The following RNF213 variants were observed in gnomAD, a reference collection of about 807,000 sequenced individuals.
The protein encoded by RNF213 is ring finger protein 213, also known as E3 ubiquitin-protein ligase RNF213.
RNF213 carries 341 observed loss-of-function variants against 514.4 expected under a neutral mutation model. The observed-to-expected ratio is 0.66, with a 90% CI of 0.61 to 0.73. The LOEUF (loss-of-function observed/expected upper bound fraction) is 0.73, where lower values mean the gene tolerates loss of function less well. Ranked by LOEUF, RNF213 falls within the 30% of genes least tolerant of loss-of-function variation. The pLI, the probability that RNF213 is intolerant of heterozygous loss-of-function variation, is 0.00. For missense variants in RNF213, 5,767 were observed against 6,615.6 expected (o/e 0.87, Z 4.45); for synonymous variants, 2,655 against 2,658.2 (o/e 1.00, Z 0.04).
chr17:80,334,071 G>T (rs1290863469), intron 21 of RNF213, 34 bp from the exon 22 acceptor site: 1 of 1,536,824 alleles, frequency 6.5e-7, no homozygotes, highest in Admixed American at 2.0e-5. Flanking sequence ...TCTGGTTAAT[G>T]AGTTCCAGTC....
At chr17:80,355,924 CCTT>C (rs1456283122) in intron 36 of RNF213, among the ~76,000 whole-genome samples, 1 of 152,080 alleles carries the variant, frequency 6.6e-6, no homozygotes, top group East Asian at 1.9e-4. Context: ...TCGTTTCTCT[CCTT>C]GTCACGCCTT....
In RNF213 at chr17:80,398,026, G is replaced by A. The variant is rs1285636231; in HGVS notation, c.*4528G>A. 2.0e-5 allele frequency: 3 copies of A among 151,086 alleles called. No individual in the cohort carries two copies. The Admixed American group carries it at 2.0e-4, about 10-fold the overall frequency. 9.4% of individuals were successfully genotyped at this position (151,086 alleles called of 1,614,324 possible). A position where few individuals can be genotyped will look rare whatever the true frequency, so the allele number is the denominator to read the frequency against. On this transcript the variant is annotated 3_prime_UTR_variant, in exon 68 of 68. Transcript: ENST00000582970. ...AACACCGGGAAGGAACTGCCACTTG[G>A]AGTCCAGACATCTGAAACTTGGTAA...
In RNF213 at chr17:80,343,242, CGA is replaced by C; in HGVS notation, c.6102_6103del (p.Val2035ProfsTer63). ...GATCGACCCTCAGGTGGATGAGAGC[CGA>C]GTCCTGGGCGCCCTGCTGCCCTTCC... ...RLIDPQVDESRVLGALLPFLD... is the reference protein window; with the variant it reads ...RLIDPQVDESXVLGALLPFLD... On this transcript the variant is annotated frameshift_variant, in exon 27 of 68. Transcript: ENST00000582970. LOFTEE classifies it high-confidence loss of function. This position sits in a 1 kb window ranked among gnomAD's most constrained non-coding sequence, Gnocchi z 4.3. 1 of 1,613,988 alleles carries C rather than the reference CGA, an allele frequency of 6.2e-7. No homozygotes were observed. The highest frequency in any genetic ancestry group is 2.2e-5 in the East Asian group (1 of 44,880).
At chr17:80,384,602 CCTCT>C (rs767292938) in intron 59 of RNF213, among the ~76,000 whole-genome samples, 3 of 152,080 alleles carry the variant, frequency 2.0e-5, no homozygotes, top group Admixed American at 1.3e-4. Context: ...AATACTGTGG[CCTCT>C]CTCTCAGATG....
chr17:80,365,828 G>A (rs1181675215), intron 42 of RNF213, among the ~76,000 whole-genome samples: 1 of 152,188 alleles, frequency 6.6e-6, no homozygotes, highest in East Asian at 1.9e-4. Context: ...TTTCAGCCAG[G>A]TCCAGCGTGG....
intron 11 of RNF213, among the ~76,000 whole-genome samples, chr17:80,304,470 C>T (rs1389243502): frequency 3.3e-5 from 5 of 152,018 alleles, no homozygotes; most frequent in Admixed American, 1.3e-4. Flanking sequence ...GAAACCCCAT[C>T]TCTACTAAAA....
chr17:80,375,705 A>G, intron 50 of RNF213, 55 bp from the exon 51 acceptor site: 1 of 1,283,212 alleles, frequency 7.8e-7, no homozygotes, highest in South Asian at 1.2e-5. Flanking sequence ...TCCATCTCAA[A>G]AAAAAAAGAT....
chr17:80,312,084 C>T (rs879347259), intron 14 of RNF213, among the ~76,000 whole-genome samples: 11 of 151,880 alleles, frequency 7.2e-5, no homozygotes, highest in African/African-American at 2.2e-4. Flanking sequence ...GCCAAGATCG[C>T]GCCACTGTAC....
chr17:80,355,080 A>G (rs994646256), intron 36 of RNF213: 8 of 400,260 alleles, frequency 2.0e-5, no homozygotes, highest in Non-Finnish European at 4.0e-5. Flanking sequence ...TGTATTGAGG[A>G]AGGAGGGGTG....
At position 80,339,203 on chromosome 17, in the gene RNF213, C is replaced by T. The variant is rs950808412; in HGVS notation, c.4836C>T (p.Val1612=). 1 of 1,478,730 alleles carries T rather than the reference C, an allele frequency of 6.8e-7. No individual in the cohort carries two copies. Among genetic ancestry groups the T allele is most frequent in the African/African-American group, 1.4e-5 (1 of 71,814 alleles). 91.6% of individuals were successfully genotyped at this position (1,478,730 alleles called of 1,614,324 possible). Residue 1612 remains valine (V), a splice_region_variant and synonymous_variant, in exon 26 of 68, where the codon GTC becomes GTT. Transcript: ENST00000582970. Reference sequence around the variant, plus strand: ...ACCTCATGGTTCTGCCTCTCCAGGTCTTCTGCAGTGTGCAGAGGCTCAGCC... The same window carrying T: ...ACCTCATGGTTCTGCCTCTCCAGGTTTTCTGCAGTGTGCAGAGGCTCAGCC... ...NNTEVERFSE[V]FCSVQRLSQA...
chr17:80,287,942 A>G lies in RNF213; in HGVS notation c.389A>G (p.Asp130Gly). The change falls in exon 4 of 68, where the codon GAC becomes GGC. Residue 130 changes from aspartate (D) to glycine (G), a missense_variant. Around this residue, in one of 13 missense-constraint regions of RNF213, gnomAD observed 509 missense variants for 496.7 expected, o/e 1.02. Transcript: ENST00000582970. The part of the protein sequence containing the change: ...LTLLSNPWPQ[D>G]TALPHSQAQQ... The stretch of plus-strand genomic sequence containing the variant: ...TTGCTTTCAAACCCGTGGCCTCAGG[A>G]CACAGCCCTGCCCCACAGCCAAGCC... The G allele has an allele frequency of 6.4e-7, 1 of 1,569,532 alleles. No individual in the cohort carries two copies.
chr17:80,355,083 G>C, intron 36 of RNF213: 1 of 403,512 alleles, frequency 2.5e-6, no homozygotes, highest in Non-Finnish European at 5.0e-6. Context: ...ATTGAGGAAG[G>C]AGGGGTGCTC....
chr17:80,387,773 C>A (rs2080296737), intron 63 of RNF213, among the ~76,000 whole-genome samples: 1 of 152,184 alleles, frequency 6.6e-6, no homozygotes, highest in Non-Finnish European at 1.5e-5. Flanking sequence ...CTGCCTCCAG[C>A]CACTTAGCCC....
Position 80,328,267 on chromosome 17 carries a change from G to T in RNF213, c.3368-61G>T, listed in dbSNP as rs148111185. 1,237 of 1,494,376 alleles carry T rather than the reference G, an allele frequency of 8.3e-4. 8 individuals carry two copies. In the African/African-American group the frequency reaches 0.015, roughly 18 times the overall value. 92.6% of individuals were successfully genotyped at this position (1,494,376 alleles called of 1,614,324 possible). A position where few individuals can be genotyped will look rare whatever the true frequency, so the allele number is the denominator to read the frequency against. On this transcript the variant is annotated intron_variant, in intron 19 of 67. Coordinates refer to ENST00000582970, the MANE Select transcript of RNF213 (RefSeq NM_001256071.3). ...GAAGGTGCGGCGCTTTCAAAGCATT[G>T]CCATGGAAAATGGCATTTGTTGCTG...
chr17:80,388,661 T>C lies in RNF213; in HGVS notation c.14972T>C (p.Phe4991Ser), dbSNP rs2080337294. The C allele has an allele frequency of 6.2e-7, 1 of 1,612,606 alleles. No homozygotes were observed. The highest frequency in any genetic ancestry group is 1.1e-5 in the South Asian group (1 of 91,046). Residue 4991 changes from phenylalanine to serine, a missense_variant, in exon 64 of 68, where the codon TTT (phenylalanine) becomes TCT (serine). By Grantham distance (155) the Phe-to-Ser change is radical. Around this residue, in one of 13 missense-constraint regions of RNF213, gnomAD observed 1,245 missense variants for 1,339.0 expected, o/e 0.93. Transcript: ENST00000582970. ...CACGACTGGAACTATGAACATCTCT[T>C]TATGGACATCAAGAACAAAATGGCA... ...YRHDWNYEHLFMDIKNKMAQD... is the reference protein window; with the variant it reads ...YRHDWNYEHLSMDIKNKMAQD...
intron 32 of RNF213, chr17:80,352,552 AG>A (rs1184999403): frequency 1.1e-4 from 58 of 549,440 alleles, no homozygotes; most frequent in Non-Finnish European, 1.7e-4. Flanking sequence ...GAAACAGGAA[AG>A]TAAGTTTACT....
At chr17:80,379,796 C>G in intron 55 of RNF213, 82 bp downstream of exon 55, 1 of 1,127,710 alleles carries the variant, frequency 8.9e-7, no homozygotes, top group Non-Finnish European at 1.3e-6. Context: ...TAAAGTGATA[C>G]TCAAGATAGT....
At position 80,353,062 on chromosome 17, in the gene RNF213, G is replaced by A; in HGVS notation, c.10423+3G>A. 1 of 1,611,712 alleles carries A rather than the reference G, an allele frequency of 6.2e-7. No individual in the cohort carries two copies. The highest frequency in any genetic ancestry group is 1.1e-5 in the South Asian group (1 of 91,090). On this transcript the variant is annotated splice_donor_region_variant and intron_variant, in intron 33 of 67. Coordinates refer to ENST00000582970, the MANE Select transcript of RNF213 (RefSeq NM_001256071.3). This position sits in a 1 kb window ranked among gnomAD's most constrained non-coding sequence, Gnocchi z 5.0. ...CGCGCCCGGAGACTTGCCTGAGCGTGAGTCACGAGGCGGAGCCCCTGGGGG... is the reference window on the plus strand; with the variant it reads ...CGCGCCCGGAGACTTGCCTGAGCGTAAGTCACGAGGCGGAGCCCCTGGGGG...
At chr17:80,311,289 T>C (rs1162694295) in intron 14 of RNF213, among the ~76,000 whole-genome samples, 1 of 152,210 alleles carries the variant, frequency 6.6e-6, no homozygotes, top group African/African-American at 2.4e-5. Context: ...TCTGCTGCTG[T>C]GAAGGCTCCA....
Sources: allele counts gnomAD v4.1 joint callset (sites outside exome capture counted in the v4.1 genomes callset), GRCh38; gene constraint gnomAD v4.1.1; regional missense constraint gnomAD v4.1.1; non-coding constraint Gnocchi (gnomAD v3.1); transcripts MANE v1.5; gene names NCBI Gene and HGNC (gene_info 2026-07-23, HGNC 2026-07-21).